Variants in TNIK observed in about 807,000 individuals in gnomAD.
The protein encoded by TNIK is TRAF2 and NCK interacting kinase.
In TNIK, 49 loss-of-function variants were observed where a neutral mutation model predicts 191.3. The ratio of observed to expected loss-of-function variants is 0.26; its 90% confidence interval spans 0.20 to 0.32. TNIK has a LOEUF of 0.32. TNIK is among the 10% of genes least tolerant of loss of function. The pLI is 1.00. For synonymous variants in TNIK, 594 were observed against 600.9 expected, an observed-to-expected ratio of 0.99 and a Z score of 0.17; for missense variants, 1,155 against 1,702.3, an observed-to-expected ratio of 0.68 and a Z score of 5.66.
At chr3:171,176,806 C>A (rs1415738794) in intron 8 of TNIK, among the ~76,000 whole-genome samples, 1 of 152,186 alleles carries the variant, frequency 6.6e-6, no homozygotes, top group Admixed American at 6.5e-5. Context: ...TCTGCTGGGG[C>A]CAATACTCCA....
intron 1 of TNIK, among the ~76,000 whole-genome samples, chr3:171,399,326 A>T (rs1720622939): frequency 6.6e-6 from 1 of 152,202 alleles, no homozygotes; most frequent in Non-Finnish European, 1.5e-5. Context: ...GAGCAGGCAA[A>T]TTCCCTTGGA....
At chr3:171,160,179 G>T (rs1298463947) in intron 11 of TNIK, among the ~76,000 whole-genome samples, 1 of 152,168 alleles carries the variant, frequency 6.6e-6, no homozygotes, top group African/African-American at 2.4e-5. Context: ...TGTATCAGAT[G>T]GTAGGAAAGA....
intron 2 of TNIK, among the ~76,000 whole-genome samples, chr3:171,234,868 C>G (rs1744074083): frequency 2.0e-5 from 3 of 152,162 alleles, no homozygotes; most frequent in Admixed American, 2.0e-4. Flanking sequence ...AGCAGACGAG[C>G]CAGCCTCTGG....
intron 2 of TNIK, among the ~76,000 whole-genome samples, chr3:171,268,371 C>T (rs1434896118): frequency 7.2e-5 from 11 of 152,064 alleles, no homozygotes; most frequent in Admixed American, 6.6e-4. Flanking sequence ...TGCCTTCAGC[C>T]AGAATCCTGT....
intron 15 of TNIK, 105 bp downstream of exon 15, chr3:171,138,086 T>A: frequency 8.9e-7 from 1 of 1,122,184 alleles, no homozygotes; most frequent in Non-Finnish European, 1.2e-6. Flanking sequence ...TATGATGAAT[T>A]GTTTTCCAAC....
chr3:171,147,442 G>A (rs932696494), intron 12 of TNIK, among the ~76,000 whole-genome samples: 12 of 152,054 alleles, frequency 7.9e-5, no homozygotes, highest in Admixed American at 2.0e-4. Context: ...CCCATTTAAC[G>A]TTGCTAAAGT....
chr3:171,177,429 A>C, intron 7 of TNIK, 49 bp from the exon 8 acceptor site: 1 of 1,568,658 alleles, frequency 6.4e-7, no homozygotes, highest in Non-Finnish European at 8.7e-7. Context: ...AACAAAGGAC[A>C]ACTTGGTTAA....
At position 171,460,156 on chromosome 3, in the gene TNIK, C is replaced by G; in HGVS notation, c.-93G>C. Reference sequence around the variant, plus strand: ...GGTCTATTTCACTCGCGTCCTCATGCGGGTGTCGCGCCAGAGGCCCCGGGC... The same window carrying G: ...GGTCTATTTCACTCGCGTCCTCATGGGGGTGTCGCGCCAGAGGCCCCGGGC... On this transcript the variant is annotated 5_prime_UTR_variant, in exon 1 of 33. Transcript: ENST00000436636. This position sits in a 1 kb window ranked among gnomAD's most constrained non-coding sequence, Gnocchi z 6.8. 1.0e-5 allele frequency: 15 copies of G among 1,492,504 alleles called. No individual in the cohort carries two copies. The highest frequency in any genetic ancestry group is 1.3e-5 in the Non-Finnish European group (14 of 1,101,070). 92.5% of individuals were successfully genotyped at this position (1,492,504 alleles called of 1,614,324 possible).
chr3:171,259,885 T>A (rs1194947159), intron 2 of TNIK, among the ~76,000 whole-genome samples: 1 of 152,176 alleles, frequency 6.6e-6, no homozygotes. Flanking sequence ...GGTATTAATC[T>A]GTAGTGCAGA....
At chr3:171,068,168 A>AT (rs1442074689) in intron 30 of TNIK, among the ~76,000 whole-genome samples, 1 of 152,178 alleles carries the variant, frequency 6.6e-6, no homozygotes. Context: ...TTCAAGCAAT[A>AT]TGTCAGGATA....
At chr3:171,380,693 G>C (rs1411286074) in intron 1 of TNIK, among the ~76,000 whole-genome samples, 1 of 129,792 alleles carries the variant, frequency 7.7e-6, no homozygotes, top group Non-Finnish European at 1.7e-5. Context: ...AATACAGTGA[G>C]CTTCCTTCTT....
At chr3:171,331,420 GATCA>G (rs1282980458) in intron 2 of TNIK, among the ~76,000 whole-genome samples, 1 of 152,140 alleles carries the variant, frequency 6.6e-6, no homozygotes, top group Non-Finnish European at 1.5e-5. Flanking sequence ...TTGGCGAGTT[GATCA>G]GTCAAAACAA....
intron 21 of TNIK, among the ~76,000 whole-genome samples, chr3:171,105,318 C>T (rs767370008): frequency 2.0e-5 from 3 of 152,250 alleles, no homozygotes; most frequent in East Asian, 1.9e-4. Flanking sequence ...CTGTGCACCA[C>T]GGGATGTTTG....
intron 2 of TNIK, among the ~76,000 whole-genome samples, chr3:171,240,682 G>C (rs1016694635): frequency 6.6e-6 from 1 of 152,112 alleles, no homozygotes; most frequent in African/African-American, 2.4e-5. Flanking sequence ...TTCAGGTCTT[G>C]ACTTGAATGG....
chr3:171,084,114 G>A, intron 26 of TNIK, 41 bp downstream of exon 26: 1 of 1,490,080 alleles, frequency 6.7e-7, no homozygotes, highest in Non-Finnish European at 8.9e-7. Flanking sequence ...TCATTAATGA[G>A]TGGTTATTTA....
chr3:171,193,684 C>T (rs914733616), intron 5 of TNIK, among the ~76,000 whole-genome samples: 1 of 152,144 alleles, frequency 6.6e-6, no homozygotes, highest in Admixed American at 6.5e-5. Flanking sequence ...AAAGGCATAT[C>T]TTGAACACAC....
chr3:171,188,645 A>T (rs1241503546), intron 7 of TNIK, 57 bp downstream of exon 7: 1 of 1,597,052 alleles, frequency 6.3e-7, no homozygotes, highest in African/African-American at 1.3e-5. Flanking sequence ...GTAAGACTTT[A>T]TAAGACTCAG....
Position 171,151,233 on chromosome 3 carries a change from C to T in TNIK, c.1221+6227G>A, listed in dbSNP as rs573299405. Among the ~76,000 whole-genome samples the T allele has an allele frequency of 1.9e-3, 284 of 152,302 alleles. 2 individuals are homozygous for T. The highest frequency in any genetic ancestry group is 6.5e-3 in the African/African-American group (269 of 41,542). On this transcript the variant is annotated intron_variant, in intron 12 of 32. Transcript: ENST00000436636. ...AAAGATAGTGTATTTTACCTCTACA[C>T]GAACCTAAAGCTGGCCATCTAAGAA...
rs140541617 is a variant in TNIK at position 171,407,852 on chromosome 3, T to C, written c.58-38167A>G. Among the ~76,000 whole-genome samples, 882 of 152,318 alleles carry C rather than the reference T, an allele frequency of 5.8e-3. 8 individuals carry two copies. The highest frequency in any genetic ancestry group is 0.02 in the African/African-American group (828 of 41,572). On this transcript the variant is annotated intron_variant, in intron 1 of 32. Transcript: ENST00000436636. ...GCTCATTCAAGAATCAGAAGTATCA[T>C]TTAACAGTCCAGAAAAAAAGACATT...
Sources: gnomAD v4.1 joint callset for allele counts (sites outside exome capture counted in the v4.1 genomes callset) on GRCh38, gnomAD v4.1.1 for gene constraint, Gnocchi (gnomAD v3.1) non-coding constraint, MANE v1.5 for transcripts, NCBI Gene and HGNC (gene_info 2026-07-23, HGNC 2026-07-21) for gene names.